VAT1L: variants seen among roughly 807,000 people sequenced by gnomAD.
The protein encoded by VAT1L is putative NADPH-dependent quinone oxidoreductase VAT1L.
A neutral mutation model predicts 44.1 loss-of-function variants in VAT1L; 34 were observed. That is an observed-to-expected ratio of 0.77 (90% CI 0.59 to 1.03). The LOEUF is 1.03. VAT1L is among the 50% of genes least tolerant of loss of function. The pLI, the probability that VAT1L is intolerant of heterozygous loss-of-function variation, is 0.00. For missense variants in VAT1L, 615 were observed against 538.8 expected, an observed-to-expected ratio of 1.14 and a Z score of -1.40; for synonymous variants, 253 against 202.2, an observed-to-expected ratio of 1.25 and a Z score of -2.13.
Position 77,944,054 on chromosome 16 carries a change from G to T in VAT1L, c.1078-27796G>T, listed in dbSNP as rs142531277. Reference sequence around the variant, plus strand: ...GTGCTTCTCAGCTGGGAGCAGTTTCGTCCTTTGAGGGGCAGCTGGCAATGT... The same window carrying T: ...GTGCTTCTCAGCTGGGAGCAGTTTCTTCCTTTGAGGGGCAGCTGGCAATGT... On this transcript the variant is annotated intron_variant, in intron 7 of 8. Coordinates refer to ENST00000302536, the MANE Select transcript of VAT1L (RefSeq NM_020927.3). Among the ~76,000 whole-genome samples the T allele has an allele frequency of 3.2e-3, 491 of 152,218 alleles. 4 individuals carry two copies. Among genetic ancestry groups the T allele is most frequent in the African/African-American group, 0.012 (482 of 41,536 alleles).
chr16:77,943,864 C>A (rs2017924826), intron 7 of VAT1L, among the ~76,000 whole-genome samples: 1 of 152,176 alleles, frequency 6.6e-6, no homozygotes, highest in Admixed American at 6.5e-5. Context: ...TTTCTTTCCT[C>A]CACACCCACA....
chr16:77,796,126 C>A (rs148146290), intron 1 of VAT1L, among the ~76,000 whole-genome samples: 1 of 152,276 alleles, frequency 6.6e-6, no homozygotes, highest in Non-Finnish European at 1.5e-5. Flanking sequence ...CACACCTGGC[C>A]AGTTGCTTAG....
chr16:77,972,147 C>G (rs948854635), intron 8 of VAT1L, among the ~76,000 whole-genome samples: 37 of 152,232 alleles, frequency 2.4e-4, no homozygotes, highest in African/African-American at 7.5e-4. Context: ...GAGAGCATAT[C>G]AAAAGCAATC....
At chr16:77,837,866 C>G (rs1213091603) in intron 3 of VAT1L, among the ~76,000 whole-genome samples, 5 of 152,216 alleles carry the variant, frequency 3.3e-5, no homozygotes, top group Non-Finnish European at 7.3e-5. Context: ...CAAATGTTAG[C>G]TGCTATTATT....
chr16:77,885,278 G>T (rs901627938), intron 7 of VAT1L, among the ~76,000 whole-genome samples: 1 of 152,202 alleles, frequency 6.6e-6, no homozygotes, highest in African/African-American at 2.4e-5. Context: ...TGGGTCTAAA[G>T]TTGGATTGAG....
At chr16:77,893,540 T>G (rs139634895) in intron 7 of VAT1L, among the ~76,000 whole-genome samples, 1,592 of 152,298 alleles carry the variant, frequency 0.01, 9 homozygotes, top group Non-Finnish European at 0.017. Flanking sequence ...CTCAACCACA[T>G]TCAGGTGAGA....
intron 3 of VAT1L, among the ~76,000 whole-genome samples, chr16:77,826,742 C>A (rs1279263016): frequency 1.3e-5 from 2 of 152,170 alleles, no homozygotes; most frequent in African/African-American, 4.8e-5. Flanking sequence ...AAGGTACTAC[C>A]TACTAGTTCA....
chr16:77,829,341 A>G (rs2016555690), intron 3 of VAT1L, among the ~76,000 whole-genome samples: 1 of 152,230 alleles, frequency 6.6e-6, no homozygotes, highest in Non-Finnish European at 1.5e-5. Context: ...GGGTTATGTA[A>G]AGTGTGTAGC....
chr16:77,944,218 A>G (rs1567517233), intron 7 of VAT1L, among the ~76,000 whole-genome samples: 1 of 152,152 alleles, frequency 6.6e-6, no homozygotes, highest in Non-Finnish European at 1.5e-5. Flanking sequence ...AAATGTCACC[A>G]TGCCAAGAAT....
At chr16:77,823,789 C>T (rs1020314874) in intron 2 of VAT1L, among the ~76,000 whole-genome samples, 3 of 152,096 alleles carry the variant, frequency 2.0e-5, no homozygotes, top group Non-Finnish European at 2.9e-5. Flanking sequence ...GAGGCCAAGG[C>T]GGGTGGATCA....
At chr16:77,939,740 C>T (rs2017854777) in intron 7 of VAT1L, among the ~76,000 whole-genome samples, 1 of 152,148 alleles carries the variant, frequency 6.6e-6, no homozygotes, top group Admixed American at 6.6e-5. Flanking sequence ...AAAATTCCTG[C>T]ACTCAATTTA....
chr16:77,795,529 C>A, intron 1 of VAT1L, among the ~76,000 whole-genome samples: 1 of 152,178 alleles, frequency 6.6e-6, no homozygotes, highest in African/African-American at 2.4e-5. Flanking sequence ...AGGATTAAAC[C>A]TTTTGGGGGG....
Position 77,879,565 on chromosome 16 carries a change from C to T in VAT1L, c.882+341C>T, listed in dbSNP as rs540410147. Among the ~76,000 whole-genome samples, 101 of 152,304 alleles carry T rather than the reference C, an allele frequency of 6.6e-4. 1 individual carries two copies. The highest frequency in any genetic ancestry group is 6.8e-3 in the Middle Eastern group (2 of 294). ...CCTCCCAAAGTGCTGGGATTACAGG[C>T]GTGAGCCACCGCACCCAGCTGTGAG... On this transcript the variant is annotated intron_variant, in intron 6 of 8. Transcript: ENST00000302536. This position sits in a 1 kb window ranked among gnomAD's most constrained non-coding sequence, Gnocchi z 4.1.
intron 1 of VAT1L, among the ~76,000 whole-genome samples, chr16:77,796,720 T>C (rs2015940666): frequency 2.0e-5 from 3 of 152,206 alleles, no homozygotes; most frequent in South Asian, 4.1e-4. Context: ...AGGACATGAA[T>C]TGCCATCTCT....
At chr16:77,894,118 T>G (rs2017296675) in intron 7 of VAT1L, among the ~76,000 whole-genome samples, 1 of 152,184 alleles carries the variant, frequency 6.6e-6, no homozygotes, top group Non-Finnish European at 1.5e-5. Context: ...GCTATGGACA[T>G]TAGCGTCTCC....
chr16:77,859,849 A>T (rs1051623635), intron 3 of VAT1L, among the ~76,000 whole-genome samples: 4 of 152,122 alleles, frequency 2.6e-5, no homozygotes, highest in Non-Finnish European at 5.9e-5. Context: ...CAGTAAGAGG[A>T]GTGTTAAATT....
intron 1 of VAT1L, among the ~76,000 whole-genome samples, chr16:77,799,679 G>A (rs757697864): frequency 9.2e-5 from 14 of 152,106 alleles, no homozygotes; most frequent in Non-Finnish European, 1.5e-4. Flanking sequence ...GAGTGGATGC[G>A]AGACTCTTCT....
intron 1 of VAT1L, among the ~76,000 whole-genome samples, chr16:77,802,497 C>A (rs1369033721): frequency 6.6e-6 from 1 of 152,004 alleles, no homozygotes; most frequent in African/African-American, 2.4e-5. Flanking sequence ...CGCCTGTAAT[C>A]CCAGCTACTC....
At chr16:77,918,528 A>G (rs1350247305) in intron 7 of VAT1L, among the ~76,000 whole-genome samples, 1 of 151,842 alleles carries the variant, frequency 6.6e-6, no homozygotes, top group African/African-American at 2.4e-5. Context: ...CCCCTTCCTC[A>G]ACCCTTGCTC....
Sources: gnomAD v4.1 joint callset for allele counts (sites outside exome capture counted in the v4.1 genomes callset) on GRCh38, gnomAD v4.1.1 for gene constraint, Gnocchi (gnomAD v3.1) non-coding constraint, MANE v1.5 for transcripts, NCBI Gene and HGNC (gene_info 2026-07-23, HGNC 2026-07-21) for gene names.